ZBBX: variants seen among roughly 807,000 people sequenced by gnomAD.
The protein encoded by ZBBX is zinc finger B-box domain containing, also known as zinc finger B-box domain-containing protein 1.
In ZBBX, 101 loss-of-function variants were observed where a neutral mutation model predicts 108.5. That is an observed-to-expected ratio of 0.93 (90% CI 0.79 to 1.10). ZBBX has a LOEUF of 1.10. Among genes scored for constraint, ZBBX ranks in the 50% least tolerant of loss-of-function variants. ZBBX has a pLI of 0.00. For synonymous variants in ZBBX, 356 were observed against 323.4 expected, an observed-to-expected ratio of 1.10 and a Z score of -1.08; for missense variants, 1,009 against 941.4, an observed-to-expected ratio of 1.07 and a Z score of -0.94.
intron 10 of ZBBX, among the ~76,000 whole-genome samples, 179 bp downstream of exon 10, chr3:167,333,648 A>G (rs1160215876): frequency 6.6e-6 from 1 of 152,240 alleles, no homozygotes; most frequent in Admixed American, 6.5e-5. Flanking sequence ...GAATCAAAGC[A>G]GGCTTCTTGA....
intron 2 of ZBBX, among the ~76,000 whole-genome samples, chr3:167,378,366 T>C (rs1747292903): frequency 6.6e-6 from 1 of 152,172 alleles, no homozygotes; most frequent in Non-Finnish European, 1.5e-5. Flanking sequence ...CAAGATACCA[T>C]TTTAAAATAC....
At chr3:167,364,900 T>C (rs184729164) in intron 6 of ZBBX, among the ~76,000 whole-genome samples, 1 of 152,010 alleles carries the variant, frequency 6.6e-6, no homozygotes, top group African/African-American at 2.4e-5. Flanking sequence ...TGTCTCTTAG[T>C]CAATCCAGCC....
rs190132171 is a variant in ZBBX at position 167,292,641 on chromosome 3, T to C, written c.1880-3658A>G. On this transcript the variant is annotated intron_variant, in intron 18 of 21. Coordinates refer to ENST00000675490, the MANE Select transcript of ZBBX (RefSeq NM_001199201.2). ...CATGCTAACATCACAATTAAAAGAA[T>C]TAGAAAAGCAAGAGCAAACAAATGC... Among the ~76,000 whole-genome samples, 255 of 151,832 alleles carry C rather than the reference T, an allele frequency of 1.7e-3. 1 individual carries two copies. Among genetic ancestry groups the C allele is most frequent in the Non-Finnish European group, 2.9e-3 (194 of 67,900 alleles).
intron 10 of ZBBX, among the ~76,000 whole-genome samples, chr3:167,331,885 G>A (rs1433279901): frequency 6.6e-6 from 1 of 152,100 alleles, no homozygotes; most frequent in African/African-American, 2.4e-5. Context: ...TTCAAACCCA[G>A]GTTTCGGCTT....
In ZBBX at chr3:167,350,425, A is replaced by G; in HGVS notation, c.523T>C (p.Leu175=). The change falls in exon 9 of 22, where the codon TTG becomes CTG. Residue 175 remains leucine, a synonymous_variant. Coordinates refer to ENST00000675490, the MANE Select transcript of ZBBX (RefSeq NM_001199201.2). The part of the protein sequence containing the change: ...GALKLHRTTL[L]QAKSQILFNV... ...ATCATTTTAGAAAGCCATACCTGCA[A>G]AAGAGTTGTTCTGTGGAGCTTTAGT... 1.3e-6 allele frequency: 2 copies of G among 1,589,622 alleles called. No homozygotes were observed. Among genetic ancestry groups the G allele is most frequent in the Non-Finnish European group, 1.7e-6 (2 of 1,165,700 alleles).
At chr3:167,380,866 G>GCACGCACACACA (rs1553849428), upstream of ZBBX, among the ~76,000 whole-genome samples, 1 of 141,340 alleles carries the variant, frequency 7.1e-6, no homozygotes, top group Non-Finnish European at 1.5e-5. Context: ...GCAAATATAT[G>GCACGCACACACA]CACACACACA....
At chr3:167,294,824 A>G (rs1198499579) in intron 18 of ZBBX, among the ~76,000 whole-genome samples, 2 of 152,128 alleles carry the variant, frequency 1.3e-5, no homozygotes, top group Non-Finnish European at 2.9e-5. Flanking sequence ...TTCAGAATCT[A>G]AAAGGAACTT....
At chr3:167,332,001 T>G (rs1382552997) in intron 10 of ZBBX, among the ~76,000 whole-genome samples, 3 of 152,206 alleles carry the variant, frequency 2.0e-5, no homozygotes, top group Non-Finnish European at 4.4e-5. Context: ...TGGTACCATT[T>G]GGCTCTTCTA....
At chr3:167,305,566 A>G in intron 17 of ZBBX, 77 bp downstream of exon 17, 1 of 1,119,340 alleles carries the variant, frequency 8.9e-7, no homozygotes, top group Non-Finnish European at 1.2e-6. Flanking sequence ...TAACTTGAGA[A>G]TGTATTGTGT....
intron 11 of ZBBX, among the ~76,000 whole-genome samples, chr3:167,324,405 G>A (rs888252349): frequency 2.0e-5 from 3 of 152,070 alleles, no homozygotes; most frequent in Non-Finnish European, 4.4e-5. Context: ...ACAGACATAA[G>A]CCAGCAGACC....
At position 167,323,236 on chromosome 3, in the gene ZBBX, AGAGG is replaced by A. The variant is rs1255388781; in HGVS notation, c.863-1003_863-1000del. The stretch of plus-strand genomic sequence containing the variant: ...AAGATTTCTTGACAGGAGAGCTAAA[AGAGG>A]GGGGGGGGGGAAAGAACTCTTTTGT... On this transcript the variant is annotated intron_variant, in intron 11 of 21. Transcript: ENST00000675490. 3.7e-3 allele frequency among the ~76,000 whole-genome samples: 86 copies of A among 23,108 alleles called. 3 individuals carry two copies. The highest frequency in any genetic ancestry group is 0.011 in the African/African-American group (48 of 4,466). 15.2% of individuals were successfully genotyped at this position (23,108 alleles called of 152,430 possible).
intron 20 of ZBBX, among the ~76,000 whole-genome samples, chr3:167,251,900 C>T (rs1444846302): frequency 2.0e-5 from 3 of 147,116 alleles, no homozygotes; most frequent in Non-Finnish European, 4.4e-5. Context: ...TCTTGTCTCT[C>T]GATTCATCAT....
chr3:167,402,308 G>T (rs1748450108), intron 1 of ZBBX, among the ~76,000 whole-genome samples: 1 of 152,098 alleles, frequency 6.6e-6, no homozygotes, highest in Non-Finnish European at 1.5e-5. Flanking sequence ...ATAAAATCCT[G>T]ATAAGCTCCA....
the ZBBX span, among the ~76,000 whole-genome samples, chr3:167,214,981 G>T: frequency 6.6e-6 from 1 of 152,168 alleles, no homozygotes; most frequent in Non-Finnish European, 1.5e-5. Context: ...GGACACAGTT[G>T]AGACAGTGTT....
At chr3:167,314,201 C>G in intron 15 of ZBBX, 85 bp from the exon 16 acceptor site, 1 of 1,174,334 alleles carries the variant, frequency 8.5e-7, no homozygotes, top group Non-Finnish European at 1.2e-6. Context: ...GTCATTAAAA[C>G]AAATATAGTA....
At chr3:167,265,241 C>A (rs1725262148) in intron 20 of ZBBX, among the ~76,000 whole-genome samples, 1 of 152,162 alleles carries the variant, frequency 6.6e-6, no homozygotes, top group Admixed American at 6.5e-5. Flanking sequence ...TGGTGTACTC[C>A]CTTGGTATCA....
chr3:167,305,543 C>T, intron 17 of ZBBX, 100 bp downstream of exon 17: 2 of 961,016 alleles, frequency 2.1e-6, no homozygotes, highest in Non-Finnish European at 2.9e-6. Flanking sequence ...CACATTTTAA[C>T]TTTAATAGGA....
At chr3:167,252,991 A>G (rs563560715) in intron 20 of ZBBX, among the ~76,000 whole-genome samples, 1 of 152,338 alleles carries the variant, frequency 6.6e-6, no homozygotes, top group African/African-American at 2.4e-5. Flanking sequence ...TTGGCCTGTA[A>G]TGTAACAATT....
chr3:167,328,733 A>C (rs1397726854), intron 10 of ZBBX, among the ~76,000 whole-genome samples: 3 of 152,126 alleles, frequency 2.0e-5, no homozygotes, highest in African/African-American at 7.2e-5. Flanking sequence ...AGCTATACCC[A>C]ATGCCTGGAA....
Sources: allele counts gnomAD v4.1 joint callset (sites outside exome capture counted in the v4.1 genomes callset), GRCh38; gene constraint gnomAD v4.1.1; transcripts MANE v1.5; gene names NCBI Gene and HGNC (gene_info 2026-07-23, HGNC 2026-07-21).